The following ECT2L variants were observed in gnomAD, a reference collection of about 807,000 sequenced individuals.
ECT2L encodes epithelial cell-transforming sequence 2 oncogene-like.
In ECT2L, 126 loss-of-function variants were observed where a neutral mutation model predicts 122.8. The ratio of observed to expected loss-of-function variants is 1.03; its 90% CI spans 0.89 to 1.19. The LOEUF is 1.19. ECT2L is among the 50% of genes most tolerant of loss of function. The pLI, the probability that ECT2L is intolerant of heterozygous loss-of-function variation, is 0.00. For missense variants in ECT2L, 1,012 were observed against 1,064.1 expected, an observed-to-expected ratio of 0.95 and a Z score of 0.68; for synonymous variants, 385 against 381.8, an observed-to-expected ratio of 1.01 and a Z score of -0.10.
At chr6:138,900,436 G>A (rs1405461583) in intron 20 of ECT2L, among the ~76,000 whole-genome samples, 1 of 152,038 alleles carries the variant, frequency 6.6e-6, no homozygotes, top group African/African-American at 2.4e-5. Context: ...TAGTAGAGAC[G>A]GGGTTTCACT....
intron 20 of ECT2L, among the ~76,000 whole-genome samples, chr6:138,898,060 TAAA>T (rs5880406): frequency 6.7e-6 from 1 of 149,582 alleles, no homozygotes; most frequent in African/African-American, 2.5e-5. Context: ...ATGGATATGG[TAAA>T]AAAAAAAAAT....
At chr6:138,842,847 G>T in intron 5 of ECT2L, 132 bp from the exon 6 acceptor site, 1 of 745,532 alleles carries the variant, frequency 1.3e-6, no homozygotes, top group Non-Finnish European at 2.0e-6. Flanking sequence ...AAATGGATTT[G>T]CATACAAATT....
chr6:138,900,998 T>C lies in ECT2L; in HGVS notation c.2465T>C (p.Leu822Pro). ...DLSLFLFNDA[L>P]LVSSRGTSHT... The stretch of plus-strand genomic sequence containing the variant: ...AGCCTTTTCCTCTTCAATGATGCCC[T>C]GCTCGTTTCTAGTCGGGGCACATCT... Residue 822 changes from leucine (L) to proline (P), a missense_variant, in exon 21 of 22, where the codon CTG becomes CCG. Physicochemically the swap from Leu to Pro is moderately conservative, Grantham distance 98. Coordinates refer to ENST00000541398, the MANE Select transcript of ECT2L (RefSeq NM_001077706.3). 1 of 1,614,220 alleles carries C rather than the reference T, an allele frequency of 6.2e-7. No homozygotes were observed. Among genetic ancestry groups the C allele is most frequent in the Non-Finnish European group, 8.5e-7 (1 of 1,180,032 alleles).
At chr6:138,883,016 C>A (rs1778696658) in intron 16 of ECT2L, 145 bp downstream of exon 16, 2 of 888,788 alleles carry the variant, frequency 2.3e-6, no homozygotes, top group Non-Finnish European at 3.3e-6. Flanking sequence ...TCTCTGAGGA[C>A]AGGAACCCTG....
intron 4 of ECT2L, among the ~76,000 whole-genome samples, chr6:138,832,152 C>T (rs1776668259): frequency 6.6e-6 from 1 of 150,538 alleles, no homozygotes; most frequent in African/African-American, 2.4e-5. Context: ...CTCTTAATTT[C>T]AAAAACTATA....
In ECT2L at chr6:138,881,071, G is replaced by A. The variant is rs11968285; in HGVS notation, c.1780G>A (p.Ala594Thr). 2,304 of 1,614,104 alleles carry A rather than the reference G, an allele frequency of 1.4e-3. 22 individuals carry two copies. In the African/African-American group the frequency reaches 0.023, roughly 16 times the overall value. Residue 594 changes from alanine to threonine, a missense_variant, in exon 15 of 22, where the codon GCA becomes ACA. Ala to Thr is a moderately conservative substitution (Grantham distance 58). Coordinates refer to ENST00000541398, the MANE Select transcript of ECT2L (RefSeq NM_001077706.3). Reference protein sequence around the residue: ...ILEIVRDVYVAPLKAALSSNR... With the variant: ...ILEIVRDVYVTPLKAALSSNR... ...GGAAATTGTGAGAGATGTTTATGTC[G>A]CACCACTGAAAGCAGCATTGTCATC... is the stretch of plus-strand genomic sequence containing the variant.
chr6:138,802,858 C>T (rs1217689959), intron 1 of ECT2L, among the ~76,000 whole-genome samples: 2 of 152,068 alleles, frequency 1.3e-5, no homozygotes, highest in Non-Finnish European at 2.9e-5. Flanking sequence ...GGGTGGATCA[C>T]TTGAGGCCAG....
chr6:138,887,532 CT>C (rs1778870184), intron 19 of ECT2L, among the ~76,000 whole-genome samples: 1 of 152,184 alleles, frequency 6.6e-6, no homozygotes, highest in African/African-American at 2.4e-5. Context: ...CCATGTTCTA[CT>C]TGTTTTCTAT....
At chr6:138,854,204 G>T in intron 10 of ECT2L, 50 bp downstream of exon 10, 1 of 1,535,830 alleles carries the variant, frequency 6.5e-7, no homozygotes, top group South Asian at 1.3e-5. Context: ...CACTTCATGG[G>T]GATATGTTGT....
chr6:138,853,914 C>T, intron 9 of ECT2L, 112 bp from the exon 10 acceptor site: 1 of 1,247,360 alleles, frequency 8.0e-7, no homozygotes, highest in Non-Finnish European at 1.1e-6. Flanking sequence ...GTGTCTTGGT[C>T]TTGCAGGCAG....
intron 5 of ECT2L, 26 bp from the exon 6 acceptor site, chr6:138,842,953 G>T: frequency 1.4e-6 from 2 of 1,445,352 alleles, no homozygotes; most frequent in South Asian, 3.5e-5. Flanking sequence ...AACAATTTGT[G>T]ACTCATCTTC....
intron 20 of ECT2L, among the ~76,000 whole-genome samples, chr6:138,890,412 C>G (rs1214687785): frequency 6.6e-6 from 1 of 151,222 alleles, no homozygotes; most frequent in Admixed American, 6.6e-5. Context: ...CCATCCTTAC[C>G]TAGACTAGAT....
intron 8 of ECT2L, among the ~76,000 whole-genome samples, chr6:138,846,906 G>C (rs1777241439): frequency 7.1e-6 from 1 of 140,014 alleles, no homozygotes; most frequent in Non-Finnish European, 1.5e-5. Context: ...AGGCTGCAGT[G>C]AACTGTGATC....
chr6:138,821,300 T>G (rs977670434), intron 4 of ECT2L, among the ~76,000 whole-genome samples: 1 of 152,274 alleles, frequency 6.6e-6, no homozygotes. Context: ...CTCACATCAT[T>G]GAAAACTCCA....
intron 4 of ECT2L, among the ~76,000 whole-genome samples, chr6:138,824,277 A>C (rs1376562336): frequency 1.3e-5 from 2 of 151,648 alleles, no homozygotes; most frequent in Admixed American, 6.6e-5. Context: ...ACTTCCTGTG[A>C]ATTTATAATA....
intron 4 of ECT2L, among the ~76,000 whole-genome samples, chr6:138,831,795 C>T (rs1432684030): frequency 2.0e-5 from 3 of 152,054 alleles, no homozygotes; most frequent in South Asian, 2.1e-4. Context: ...TAAGTGAATC[C>T]GTGAACTGTA....
intron 4 of ECT2L, among the ~76,000 whole-genome samples, chr6:138,831,077 C>T (rs1452448881): frequency 1.3e-5 from 2 of 152,212 alleles, no homozygotes; most frequent in Non-Finnish European, 1.5e-5. Flanking sequence ...TACCACCAGC[C>T]ATCCAGTTTC....
At chr6:138,818,061 C>G (rs1306578152) in intron 4 of ECT2L, among the ~76,000 whole-genome samples, 1 of 152,174 alleles carries the variant, frequency 6.6e-6, no homozygotes, top group East Asian at 1.9e-4. Context: ...ATTGCCTCTG[C>G]TTAGTGCCTG....
chr6:138,874,959 A>G (rs866128697), intron 13 of ECT2L, among the ~76,000 whole-genome samples: 1 of 152,282 alleles, frequency 6.6e-6, no homozygotes, highest in African/African-American at 2.4e-5. Flanking sequence ...ATGGTGGCAC[A>G]TGCCTGTAGT....
Sources: gnomAD v4.1 joint callset for allele counts (sites outside exome capture counted in the v4.1 genomes callset) on GRCh38, gnomAD v4.1.1 for gene constraint, MANE v1.5 for transcripts, NCBI Gene and HGNC (gene_info 2026-07-23, HGNC 2026-07-21) for gene names.